FBXL5: variants seen among roughly 807,000 people sequenced by gnomAD.
The protein encoded by FBXL5 is F-box and leucine rich repeat protein 5.
Under a neutral mutation model 78.3 loss-of-function variants are expected in FBXL5, and 26 were observed. The ratio of observed to expected loss-of-function variants is 0.33; its 90% CI spans 0.24 to 0.46. The LOEUF (loss-of-function observed/expected upper bound fraction) is 0.46, where lower values mean the gene tolerates loss of function less well. Ranked by LOEUF, FBXL5 falls within the 20% of genes least tolerant of loss-of-function variation. The pLI is 1.00. For missense variants in FBXL5, 710 were observed against 829.2 expected (o/e 0.86, Z 1.77); for synonymous variants, 295 against 282.5 (o/e 1.04, Z -0.45).
At chr4:15,652,295 T>C (rs1439446365) in intron 1 of FBXL5, among the ~76,000 whole-genome samples, 2 of 152,216 alleles carry the variant, frequency 1.3e-5, no homozygotes, top group Non-Finnish European at 2.9e-5. Flanking sequence ...TATGATTTAA[T>C]ATAAAGAAAA....
At chr4:15,606,893 G>GGCT (rs1721924525) in intron 10 of FBXL5, among the ~76,000 whole-genome samples, 1 of 151,960 alleles carries the variant, frequency 6.6e-6, no homozygotes, top group Non-Finnish European at 1.5e-5. Flanking sequence ...AACAGCACTC[G>GGCT]GCTGCAACAA....
chr4:15,628,810 T>A (rs1196413985), intron 6 of FBXL5, among the ~76,000 whole-genome samples: 1 of 149,504 alleles, frequency 6.7e-6, no homozygotes, highest in African/African-American at 2.5e-5. Context: ...CACACGAAGA[T>A]AAAATATAAG....
At chr4:15,615,374 C>A (rs942257938) in intron 9 of FBXL5, among the ~76,000 whole-genome samples, 1 of 152,016 alleles carries the variant, frequency 6.6e-6, no homozygotes, top group Admixed American at 6.6e-5. Flanking sequence ...GCCAGCTGGG[C>A]TCCTGAGTCT....
rs574612728 is a variant in FBXL5 at position 15,670,250 on chromosome 4, A to G, written c.-283-10328T>C. 2.0e-5 allele frequency among the ~76,000 whole-genome samples: 3 copies of G among 152,342 alleles called. No individual in the cohort carries two copies. In the East Asian group the frequency reaches 5.8e-4, roughly 29 times the overall value. ...TGGACATTTGTCTTTGCATGAACAA[A>G]TATTTCATTTTCTCTTGGGTAAATA... On this transcript the variant is annotated intron_variant, in intron 1 of 4. Coordinates refer to the FBXL5 transcript ENST00000507899.
intron 5 of FBXL5, 27 bp from the exon 6 acceptor site, chr4:15,630,818 G>C (rs762459323): frequency 6.2e-7 from 1 of 1,600,096 alleles, no homozygotes; most frequent in Non-Finnish European, 8.5e-7. Flanking sequence ...CAAGTAAAAG[G>C]TTCAAAATAA....
chr4:15,626,892 A>T lies in FBXL5; in HGVS notation c.1105T>A (p.Ser369Thr). 1 of 1,610,706 alleles carries T rather than the reference A, an allele frequency of 6.2e-7. No homozygotes were observed. ...EHLDLTQTDISDSAFDSWSWL... is the reference protein window; with the variant it reads ...EHLDLTQTDITDSAFDSWSWL... ...ACTAACCTGTCAAATGCAGAATCTG[A>T]AATGTCAGTCTGGGTAAGATCCAGA... Residue 369 changes from serine (S) to threonine (T), a missense_variant, in exon 8 of 11, where the codon TCA becomes ACA. Coordinates refer to ENST00000341285, the MANE Select transcript of FBXL5 (RefSeq NM_012161.4).
At chr4:15,631,978 A>G (rs143818836) in intron 5 of FBXL5, among the ~76,000 whole-genome samples, 2,147 of 152,246 alleles carry the variant, frequency 0.014, 47 homozygotes, top group African/African-American at 0.049. Context: ...TTTTAGTCAC[A>G]AAGTCCTTGC....
intron 5 of FBXL5, 113 bp from the exon 6 acceptor site, chr4:15,630,904 C>A: frequency 2.2e-6 from 3 of 1,347,720 alleles, no homozygotes; most frequent in South Asian, 1.3e-5. Flanking sequence ...CATCTGAGCC[C>A]TAGGCAATAA....
chr4:15,618,625 A>G (rs1338327690), intron 9 of FBXL5, among the ~76,000 whole-genome samples: 1 of 151,748 alleles, frequency 6.6e-6, no homozygotes, highest in Non-Finnish European at 1.5e-5. Flanking sequence ...TGGATCACCT[A>G]AAGGTCAGGA....
At chr4:15,651,019 C>T (rs756825172) in intron 1 of FBXL5, among the ~76,000 whole-genome samples, 5 of 152,102 alleles carry the variant, frequency 3.3e-5, no homozygotes, top group Non-Finnish European at 7.4e-5. Flanking sequence ...TGGTATGTCA[C>T]TTAAAGACGA....
At chr4:15,611,251 T>C (rs1003568530) in intron 10 of FBXL5, among the ~76,000 whole-genome samples, 4 of 152,218 alleles carry the variant, frequency 2.6e-5, no homozygotes, top group East Asian at 1.9e-4. Flanking sequence ...TTTCCTCTTA[T>C]ATATTTTAAG....
At chr4:15,615,985 C>G (rs998705992) in intron 9 of FBXL5, among the ~76,000 whole-genome samples, 1 of 152,148 alleles carries the variant, frequency 6.6e-6, no homozygotes, top group African/African-American at 2.4e-5. Flanking sequence ...TAACACTCAC[C>G]GCGAAGATCT....
At chr4:15,650,072 C>T (rs1431058286) in intron 1 of FBXL5, among the ~76,000 whole-genome samples, 2 of 152,166 alleles carry the variant, frequency 1.3e-5, no homozygotes, top group Non-Finnish European at 2.9e-5. Context: ...CCCCACTACC[C>T]ATCCCCCAGA....
chr4:15,636,577 C>A lies in FBXL5; in HGVS notation c.683G>T (p.Cys228Phe), dbSNP rs1375283210. 1.2e-6 allele frequency: 2 copies of A among 1,613,982 alleles called. No individual in the cohort carries two copies. Among genetic ancestry groups the A allele is most frequent in the Non-Finnish European group, 1.7e-6 (2 of 1,179,950 alleles). ...SYLNPQELCR[C>F]SQVSMKWSQL... ...AGACCATTTCATGCTTACTTGACTG[C>A]ATCGACATAACTCTTGAGGATTAAG... The change falls in exon 5 of 11, where the codon TGC (cysteine) becomes TTC (phenylalanine). Residue 228 changes from cysteine to phenylalanine, a missense_variant. Transcript: ENST00000341285.
chr4:15,656,615 T>C (rs535729231), upstream of FBXL5, among the ~76,000 whole-genome samples: 287 of 152,350 alleles, frequency 1.9e-3, 1 homozygote, highest in African/African-American at 6.5e-3. Flanking sequence ...ATAGACAGTG[T>C]GAACAGTGGT....
At chr4:15,655,456 T>C (rs760214624), upstream of FBXL5, 181 of 903,980 alleles carry the variant, frequency 2.0e-4, no homozygotes, top group Non-Finnish European at 2.4e-4. Context: ...GCCGCCGCCA[T>C]GCGATCCCTG....
chr4:15,644,522 G>A lies in FBXL5; in HGVS notation c.271C>T (p.Leu91Phe). 1.9e-6 allele frequency: 3 copies of A among 1,613,582 alleles called. No individual in the cohort carries two copies. The highest frequency in any genetic ancestry group is 2.5e-6 in the Non-Finnish European group (3 of 1,179,562). ...SDNKLSEMLS[L>F]FEKGLKNVKN... ...ACATTCTTCAGTCCCTTTTCAAAGA[G>A]GCTAAGCATCTCGGAGAGTTTATTG... is the stretch of plus-strand genomic sequence containing the variant. Residue 91 changes from leucine (L) to phenylalanine (F), a missense_variant, in exon 2 of 11, where the codon CTC becomes TTC. Leu to Phe is a conservative substitution (Grantham distance 22). Transcript: ENST00000341285.
chr4:15,659,223 G>A (rs1367831683), upstream of FBXL5, among the ~76,000 whole-genome samples: 1 of 152,088 alleles, frequency 6.6e-6, no homozygotes, highest in East Asian at 1.9e-4. Context: ...CAAGTAGTAG[G>A]CATACATAGT....
At chr4:15,661,146 T>C (rs1717291999), upstream of FBXL5, among the ~76,000 whole-genome samples, 1 of 152,210 alleles carries the variant, frequency 6.6e-6, no homozygotes, top group African/African-American at 2.4e-5. Flanking sequence ...TTAACTGTGA[T>C]TAGTTCCATT....
Sources: allele counts gnomAD v4.1 joint callset (sites outside exome capture counted in the v4.1 genomes callset), GRCh38; gene constraint gnomAD v4.1.1; transcripts MANE v1.5; gene names NCBI Gene and HGNC (gene_info 2026-07-23, HGNC 2026-07-21).